PCDH9: variants seen among roughly 807,000 people sequenced by gnomAD.
The protein encoded by PCDH9 is protocadherin-9.
In PCDH9, 24 loss-of-function variants were observed where a neutral mutation model predicts 70.6. That is an observed-to-expected ratio of 0.34 (90% CI 0.25 to 0.48). The LOEUF is 0.48. Ranked by LOEUF, PCDH9 falls within the 20% of genes least tolerant of loss-of-function variation. PCDH9 has a pLI of 0.99. For missense variants in PCDH9, 1,281 were observed against 1,503.6 expected (o/e 0.85, Z 2.45); for synonymous variants, 562 against 558.5 (o/e 1.01, Z -0.09).
intron 2 of PCDH9, among the ~76,000 whole-genome samples, chr13:67,163,842 C>A (rs1046672549): frequency 6.6e-6 from 1 of 152,104 alleles, no homozygotes; most frequent in African/African-American, 2.4e-5. Context: ...TAAATGTAAT[C>A]CAGATTCTTT....
intron 2 of PCDH9, among the ~76,000 whole-genome samples, chr13:66,968,560 G>A (rs1038991799): frequency 6.6e-6 from 1 of 151,918 alleles, no homozygotes; most frequent in African/African-American, 2.4e-5. Flanking sequence ...TCATGCTGAT[G>A]GCACAGGTAT....
intron 4 of PCDH9, among the ~76,000 whole-genome samples, chr13:66,360,741 A>G (rs1474935451): frequency 6.6e-6 from 1 of 152,114 alleles, no homozygotes; most frequent in African/African-American, 2.4e-5. Flanking sequence ...ATTGCATTAA[A>G]GCAGTGGTGG....
At chr13:66,730,290 T>C (rs917538468) in intron 3 of PCDH9, among the ~76,000 whole-genome samples, 2 of 152,200 alleles carry the variant, frequency 1.3e-5, no homozygotes, top group Admixed American at 1.3e-4. Flanking sequence ...AGCTATACTT[T>C]TTCATAGCAT....
At chr13:67,091,934 T>A (rs2086226754) in intron 2 of PCDH9, among the ~76,000 whole-genome samples, 1 of 152,142 alleles carries the variant, frequency 6.6e-6, no homozygotes, top group African/African-American at 2.4e-5. Flanking sequence ...GGTTCATGCT[T>A]TTTCAAATTG....
At chr13:66,761,365 A>C (rs778058784) in intron 3 of PCDH9, among the ~76,000 whole-genome samples, 1 of 152,146 alleles carries the variant, frequency 6.6e-6, no homozygotes, top group Non-Finnish European at 1.5e-5. Context: ...ATAGTTGGAC[A>C]TTCCTGTACC....
intron 2 of PCDH9, among the ~76,000 whole-genome samples, chr13:67,195,593 G>A (rs2089042037): frequency 1.3e-5 from 2 of 152,228 alleles, no homozygotes; most frequent in Admixed American, 1.3e-4. Flanking sequence ...AAAGATTTGT[G>A]CCAACTAGAA....
intron 4 of PCDH9, among the ~76,000 whole-genome samples, chr13:66,554,463 C>T (rs1346185861): frequency 1.3e-5 from 2 of 151,978 alleles, no homozygotes; most frequent in East Asian, 3.9e-4. Flanking sequence ...TGAATAAGGG[C>T]ATTTTGTTGA....
chr13:66,779,866 T>TATATATATATATATATATATATAC (rs1336725254), intron 3 of PCDH9, among the ~76,000 whole-genome samples: 49 of 71,732 alleles, frequency 6.8e-4, no homozygotes, highest in African/African-American at 2.2e-3. Context: ...TATATATATA[T>TATATATATATATATATATATATAC]ACATATATGT....
At chr13:66,798,526 T>A (rs183432897) in intron 3 of PCDH9, among the ~76,000 whole-genome samples, 45 of 152,280 alleles carry the variant, frequency 3.0e-4, no homozygotes, top group Non-Finnish European at 5.4e-4. Flanking sequence ...TGCATTTGTA[T>A]AATAGGTAGG....
chr13:66,549,074 A>G (rs1321970551), intron 4 of PCDH9, among the ~76,000 whole-genome samples: 1 of 152,150 alleles, frequency 6.6e-6, no homozygotes, highest in Non-Finnish European at 1.5e-5. Flanking sequence ...TTCTATTTCC[A>G]AGAAATTCTT....
At chr13:66,883,596 G>A (rs1427123478) in intron 3 of PCDH9, among the ~76,000 whole-genome samples, 1 of 152,114 alleles carries the variant, frequency 6.6e-6, no homozygotes, top group Admixed American at 6.5e-5. Flanking sequence ...TTTAATGAGG[G>A]AATGTTCCTT....
intron 2 of PCDH9, among the ~76,000 whole-genome samples, chr13:67,134,713 A>T (rs2087189047): frequency 6.6e-6 from 1 of 152,100 alleles, no homozygotes; most frequent in Admixed American, 6.6e-5. Flanking sequence ...AGCAGCAAAC[A>T]CACACTCAGA....
chr13:67,141,973 T>G (rs1217624239), intron 2 of PCDH9, among the ~76,000 whole-genome samples: 1 of 152,258 alleles, frequency 6.6e-6, no homozygotes, highest in East Asian at 1.9e-4. Context: ...AATATGGAAT[T>G]TGAAATTTTA....
intron 4 of PCDH9, among the ~76,000 whole-genome samples, chr13:66,483,000 G>A (rs764247001): frequency 2.0e-5 from 3 of 152,128 alleles, no homozygotes; most frequent in Non-Finnish European, 2.9e-5. Flanking sequence ...GCCCCACCGT[G>A]CTTTGCTTTG....
chr13:66,723,075 C>A (rs2078962727), intron 3 of PCDH9, among the ~76,000 whole-genome samples: 1 of 151,850 alleles, frequency 6.6e-6, no homozygotes, highest in African/African-American at 2.4e-5. Flanking sequence ...CATACATTCT[C>A]ATAATATAAT....
intron 2 of PCDH9, among the ~76,000 whole-genome samples, chr13:66,906,501 A>G (rs1181791101): frequency 6.6e-6 from 1 of 152,166 alleles, no homozygotes; most frequent in Non-Finnish European, 1.5e-5. Context: ...TTTCCAAGAA[A>G]ATATGCAACA....
intron 3 of PCDH9, among the ~76,000 whole-genome samples, chr13:66,812,541 T>C (rs2119757): frequency 0.96 from 146,513 of 152,258 alleles, 70,737 homozygotes; most frequent in East Asian, 1. Flanking sequence ...TAGAAGCAAC[T>C]CATTTTCTAT....
chr13:67,004,463 C>G (rs2084308272), intron 2 of PCDH9, among the ~76,000 whole-genome samples: 1 of 148,430 alleles, frequency 6.7e-6, no homozygotes, highest in Non-Finnish European at 1.5e-5. Context: ...CCCAGCTACT[C>G]AGAGAATCGC....
chr13:66,437,404 CAA>C lies in PCDH9; in HGVS notation c.3341-132378_3341-132377del, dbSNP rs66796123. On this transcript the variant is annotated intron_variant, in intron 4 of 4. Coordinates refer to ENST00000377865, the MANE Select transcript of PCDH9 (RefSeq NM_203487.3). The stretch of plus-strand genomic sequence containing the variant: ...TGGGTGACAGAGCAAGACTCTGTCT[CAA>C]AAAAAAAAAAAAAAAAAAAAGGAGA... Among the ~76,000 whole-genome samples, 122 of 45,570 alleles carry C rather than the reference CAA, an allele frequency of 2.7e-3. 1 individual carries two copies. Among genetic ancestry groups the C allele is most frequent in the African/African-American group, 8.0e-3 (116 of 14,542 alleles). The allele number at this position is 45,570 out of a possible 152,430, so 29.9% of individuals were successfully genotyped here. A position where few individuals can be genotyped will look rare whatever the true frequency, so the allele number is the denominator to read the frequency against.
Sources: allele counts gnomAD v4.1 joint callset (sites outside exome capture counted in the v4.1 genomes callset), GRCh38; gene constraint gnomAD v4.1.1; transcripts MANE v1.5; gene names NCBI Gene and HGNC (gene_info 2026-07-23, HGNC 2026-07-21).